FRMD6: variants seen among roughly 807,000 people sequenced by gnomAD.
FRMD6 encodes the protein FERM domain-containing protein 6.
FRMD6 carries 37 observed loss-of-function variants against 73.2 expected under a neutral mutation model. The ratio of observed to expected loss-of-function variants is 0.51; its 90% confidence interval spans 0.39 to 0.66. FRMD6 has a LOEUF of 0.66. FRMD6 is among the 30% of genes least tolerant of loss of function. The pLI is 0.00. For missense variants in FRMD6, 714 were observed against 780.5 expected (o/e 0.91, Z 1.02); for synonymous variants, 273 against 282.2 (o/e 0.97, Z 0.33).
chr14:51,545,097 C>A (rs1027366778), intron 1 of FRMD6, among the ~76,000 whole-genome samples: 1 of 152,026 alleles, frequency 6.6e-6, no homozygotes, highest in African/African-American at 2.4e-5. Context: ...TCCTTTTTAT[C>A]ATTCTTTAAT....
At position 51,625,959 on chromosome 14, in the gene FRMD6, G is replaced by T. The variant is rs139199453; in HGVS notation, c.-147+55549G>T. Reference sequence around the variant, plus strand: ...AGACTATGAATAATCTAAGTGTAAAGCTTGTGTTTACTATAGTTGTAGTAG... The same window carrying T: ...AGACTATGAATAATCTAAGTGTAAATCTTGTGTTTACTATAGTTGTAGTAG... On this transcript the variant is annotated intron_variant, in intron 2 of 14. Coordinates refer to the FRMD6 transcript ENST00000356218. Among the ~76,000 whole-genome samples the T allele has an allele frequency of 2.0e-4, 31 of 152,308 alleles. No individual in the cohort carries two copies. In the East Asian group the frequency reaches 5.8e-3, roughly 28 times the overall value.
At chr14:51,651,733 T>G (rs867458388), upstream of FRMD6, 1 of 143,822 alleles carries the variant, frequency 7.0e-6, no homozygotes, top group African/African-American at 2.6e-5. Context: ...CTCCCCGTAC[T>G]GCCGCGAGCT....
intron 1 of FRMD6, among the ~76,000 whole-genome samples, chr14:51,492,322 A>G (rs1283535585): frequency 6.6e-6 from 1 of 152,100 alleles, no homozygotes; most frequent in Non-Finnish European, 1.5e-5. Flanking sequence ...CAGTCTTGTG[A>G]TAGCTCATTC....
At chr14:51,687,644 C>T (rs118105101) in intron 1 of FRMD6, among the ~76,000 whole-genome samples, 2,712 of 152,240 alleles carry the variant, frequency 0.018, 39 homozygotes, top group Non-Finnish European at 0.028. Flanking sequence ...GAGCCTTTAA[C>T]ACTTTCTGAT....
intron 2 of FRMD6, among the ~76,000 whole-genome samples, chr14:51,617,465 G>A (rs186457644): frequency 1.3e-3 from 198 of 152,260 alleles, no homozygotes; most frequent in African/African-American, 4.6e-3. Context: ...AGCTCAGTAT[G>A]TTAGAATTGC....
the FRMD6 span, among the ~76,000 whole-genome samples, chr14:51,450,866 G>T: frequency 1.3e-5 from 2 of 152,202 alleles, no homozygotes; most frequent in Non-Finnish European, 2.9e-5. Flanking sequence ...GGACACAGAG[G>T]CAAGGAGAAT....
At chr14:51,465,495 A>T in the FRMD6 span, among the ~76,000 whole-genome samples, 1 of 152,220 alleles carries the variant, frequency 6.6e-6, no homozygotes, top group Non-Finnish European at 1.5e-5. Flanking sequence ...CTACAAATTG[A>T]TTTGCAATTT....
intron 2 of FRMD6, among the ~76,000 whole-genome samples, chr14:51,613,086 G>C (rs556236922): frequency 6.6e-6 from 1 of 152,270 alleles, no homozygotes; most frequent in Non-Finnish European, 1.5e-5. Context: ...AATTGAGACA[G>C]TTTATGGAGG....
chr14:51,680,651 T>C (rs1894729026), intron 1 of FRMD6, among the ~76,000 whole-genome samples: 1 of 152,162 alleles, frequency 6.6e-6, no homozygotes. Flanking sequence ...GCTTTCTTTA[T>C]TCCTGCTAGT....
At chr14:51,645,010 A>T (rs536257082) in intron 2 of FRMD6, among the ~76,000 whole-genome samples, 1 of 152,192 alleles carries the variant, frequency 6.6e-6, no homozygotes, top group Non-Finnish European at 1.5e-5. Context: ...TTCTAATTCA[A>T]TCTCCATGAT....
intron 2 of FRMD6, among the ~76,000 whole-genome samples, chr14:51,643,069 C>T (rs570932676): frequency 1.1e-4 from 16 of 152,270 alleles, no homozygotes; most frequent in African/African-American, 3.6e-4. Flanking sequence ...GGACAAAGGG[C>T]ATGAGCTTAG....
At chr14:51,408,308 C>T in the FRMD6 span, among the ~76,000 whole-genome samples, 10 of 152,110 alleles carry the variant, frequency 6.6e-5, no homozygotes, top group Non-Finnish European at 8.8e-5. Flanking sequence ...TACAGACATG[C>T]GCCACCACAC....
chr14:51,515,849 T>C (rs1884606024), intron 1 of FRMD6, among the ~76,000 whole-genome samples: 1 of 152,086 alleles, frequency 6.6e-6, no homozygotes, highest in African/African-American at 2.4e-5. Context: ...GCCAAGCCAA[T>C]GAGGTTTGAA....
At chr14:51,638,309 C>T (rs1212492599) in intron 2 of FRMD6, among the ~76,000 whole-genome samples, 1 of 152,066 alleles carries the variant, frequency 6.6e-6, no homozygotes, top group Non-Finnish European at 1.5e-5. Flanking sequence ...AAATTCCTTC[C>T]ATGGGTAATA....
At chr14:51,487,465 G>A (rs1301035864), upstream of FRMD6, among the ~76,000 whole-genome samples, 1 of 152,160 alleles carries the variant, frequency 6.6e-6, no homozygotes, top group African/African-American at 2.4e-5. Flanking sequence ...GGGGGATCTT[G>A]TGAAAATGCA....
chr14:51,477,516 T>A, the FRMD6 span, among the ~76,000 whole-genome samples: 2 of 152,078 alleles, frequency 1.3e-5, no homozygotes, highest in African/African-American at 2.4e-5. Flanking sequence ...CAGTGAGTGT[T>A]GGAGACTATT....
intron 1 of FRMD6, among the ~76,000 whole-genome samples, chr14:51,547,294 C>A (rs1228800398): frequency 2.0e-5 from 3 of 152,162 alleles, no homozygotes. Flanking sequence ...ATAATTCTAA[C>A]GAGTGTAAAG....
At chr14:51,517,809 C>T (rs572298465) in intron 1 of FRMD6, among the ~76,000 whole-genome samples, 6 of 152,118 alleles carry the variant, frequency 3.9e-5, no homozygotes, top group Non-Finnish European at 7.3e-5. Context: ...CAAGCTGGCT[C>T]TCCGGTATGG....
the FRMD6 span, among the ~76,000 whole-genome samples, chr14:51,447,653 C>A: frequency 6.6e-6 from 1 of 152,208 alleles, no homozygotes; most frequent in African/African-American, 2.4e-5. Context: ...ACACTCTGGG[C>A]ACCTTGGGTG....
Sources: gnomAD v4.1 joint callset for allele counts (sites outside exome capture counted in the v4.1 genomes callset) on GRCh38, gnomAD v4.1.1 for gene constraint, MANE v1.5 for transcripts, NCBI Gene and HGNC (gene_info 2026-07-23, HGNC 2026-07-21) for gene names.